Variants in TENM1 observed in about 807,000 individuals in gnomAD.
The protein encoded by TENM1 is teneurin-1.
TENM1 carries 35 observed loss-of-function variants against 174.8 expected under a neutral mutation model. That is an observed-to-expected ratio of 0.20 (90% CI 0.15 to 0.27). The LOEUF is 0.27. Among genes scored for constraint, TENM1 ranks in the 10% least tolerant of loss-of-function variants. The probability of loss-of-function intolerance (pLI) is 1.00; values close to 1 mark genes in which losing one functional copy is unlikely to be tolerated. For synonymous variants in TENM1, 781 were observed against 798.7 expected (o/e 0.98, Z 0.37); for missense variants, 1,633 against 2,130.1 (o/e 0.77, Z 4.59).
At chrX:124,381,581 GCT>G (rs770447241) in intron 31 of TENM1, among the ~76,000 whole-genome samples, 1 of 111,440 alleles carries the variant, frequency 9.0e-6, no homozygotes, top group East Asian at 2.8e-4. Context: ...AGTTGGTCCA[GCT>G]CTCCCAAAAC....
At chrX:124,915,251 G>A (rs950593555) in intron 1 of TENM1, among the ~76,000 whole-genome samples, 4 of 112,388 alleles carry the variant, frequency 3.6e-5, no homozygotes, top group African/African-American at 1.3e-4. Flanking sequence ...TCGGCTGGAT[G>A]TGGTGGCTCA....
intron 23 of TENM1, among the ~76,000 whole-genome samples, chrX:124,426,172 C>A (rs1382016230): frequency 1.8e-5 from 2 of 111,169 alleles, no homozygotes; most frequent in Non-Finnish European, 3.8e-5. Flanking sequence ...ATCTCCTTGA[C>A]AGTAACTATT....
intron 3 of TENM1, 76 bp downstream of exon 6, chrX:124,894,220 C>T (rs1285236815): frequency 1.3e-6 from 1 of 765,254 alleles, no homozygotes; most frequent in Non-Finnish European, 2.0e-6. Context: ...AAGCAGGGTT[C>T]CATTTTGTGG....
chrX:125,028,686 T>TA, the TENM1 span, among the ~76,000 whole-genome samples: 5 of 111,292 alleles, frequency 4.5e-5, no homozygotes, highest in Admixed American at 9.6e-5. Context: ...CAATAAAAGT[T>TA]AAAAAAAATA....
chrX:125,116,871 T>C, the TENM1 span, among the ~76,000 whole-genome samples: 3 of 109,948 alleles, frequency 2.7e-5, no homozygotes, highest in Non-Finnish European at 5.7e-5. Context: ...ATTAGCCAGG[T>C]GTAGTGGTGT....
intron 3 of TENM1, among the ~76,000 whole-genome samples, chrX:124,876,263 T>C (rs1216264867): frequency 2.7e-5 from 3 of 111,833 alleles, no homozygotes; most frequent in Non-Finnish European, 5.6e-5. Flanking sequence ...TTGGTTTTTA[T>C]CAAAACCCTT....
chrX:124,582,631 T>C (rs184851248), intron 11 of TENM1, among the ~76,000 whole-genome samples: 2 of 112,005 alleles, frequency 1.8e-5, no homozygotes, highest in Admixed American at 9.4e-5. Flanking sequence ...GATTTCTGCA[T>C]TTCCATCTGA....
the TENM1 span, among the ~76,000 whole-genome samples, chrX:125,000,570 G>A: frequency 8.9e-6 from 1 of 112,042 alleles, no homozygotes; most frequent in African/African-American, 3.2e-5. Context: ...ATTCTGGCAT[G>A]AGCAGAAGAT....
chrX:124,418,302 C>T (rs2060615368), intron 25 of TENM1, among the ~76,000 whole-genome samples: 1 of 111,401 alleles, frequency 9.0e-6, no homozygotes, highest in African/African-American at 3.3e-5. Flanking sequence ...CTTACTCCTG[C>T]TGCAGGGCAT....
chrX:124,633,570 T>C (rs2050809242), intron 11 of TENM1, among the ~76,000 whole-genome samples: 1 of 111,169 alleles, frequency 9.0e-6, no homozygotes, highest in South Asian at 3.7e-4. Context: ...ATATTTGATG[T>C]GCTTTAAATT....
At chrX:125,069,674 G>A in the TENM1 span, among the ~76,000 whole-genome samples, 1 of 110,719 alleles carries the variant, frequency 9.0e-6, no homozygotes, top group Admixed American at 9.7e-5. Flanking sequence ...CCTAGATGAT[G>A]GGTTGATAGG....
the TENM1 span, among the ~76,000 whole-genome samples, chrX:125,047,716 G>A: frequency 3.1e-4 from 35 of 111,542 alleles, no homozygotes; most frequent in African/African-American, 1.1e-3. Context: ...GTAATTTGGT[G>A]CATAGTCAAG....
At chrX:124,392,243 T>G in exon 28 of TENM1, 1 of 1,211,272 alleles carries the variant, frequency 8.3e-7, no homozygotes, top group Non-Finnish European at 1.1e-6. Flanking sequence ...GGTCGCCCAG[T>G]CTGGTCATAA....
chrX:124,584,725 A>G (rs943668468), intron 11 of TENM1, among the ~76,000 whole-genome samples: 1 of 111,711 alleles, frequency 9.0e-6, no homozygotes, highest in Non-Finnish European at 1.9e-5. Context: ...GCTCCAATTA[A>G]AAGACACAGA....
chrX:124,505,213 A>G (rs1275156504), intron 18 of TENM1, among the ~76,000 whole-genome samples: 2 of 112,469 alleles, frequency 1.8e-5, no homozygotes, highest in African/African-American at 6.5e-5. Flanking sequence ...TTATGTAGCC[A>G]TTCCTGGCGG....
chrX:124,392,147 T>C (rs1434368498), exon 28 of TENM1: 1 of 1,210,978 alleles, frequency 8.3e-7, no homozygotes, highest in Non-Finnish European at 1.1e-6. Flanking sequence ...TCATTCCACG[T>C]TCCTCTTTGA....
chrX:125,164,497 G>A, the TENM1 span, among the ~76,000 whole-genome samples: 3 of 111,628 alleles, frequency 2.7e-5, no homozygotes, highest in East Asian at 2.8e-4. Context: ...AATAATACAG[G>A]CTACACTAAA....
intron 1 of TENM1, among the ~76,000 whole-genome samples, chrX:124,901,112 T>A (rs2057655970): frequency 9.0e-6 from 1 of 111,232 alleles, no homozygotes; most frequent in East Asian, 2.8e-4. Flanking sequence ...TTCTCAGTGA[T>A]CTTCTAGGGT....
intron 5 of TENM1, among the ~76,000 whole-genome samples, chrX:124,702,975 C>T (rs1393251711): frequency 9.0e-6 from 1 of 111,418 alleles, no homozygotes; most frequent in African/African-American, 3.3e-5. Flanking sequence ...ATTGTTAATT[C>T]TGGGAACTAG....
Sources: gnomAD v4.1 joint callset for allele counts (sites outside exome capture counted in the v4.1 genomes callset) on GRCh38, gnomAD v4.1.1 for gene constraint, MANE v1.5 for transcripts, NCBI Gene and HGNC (gene_info 2026-07-23, HGNC 2026-07-21) for gene names.